GXYLT2: variants seen among roughly 807,000 people sequenced by gnomAD.
GXYLT2 encodes the protein glucoside xylosyltransferase 2.
Under a neutral mutation model 45.8 loss-of-function variants are expected in GXYLT2, and 53 were observed. The observed-to-expected ratio is 1.16, with a 90% CI of 0.93 to 1.46. The LOEUF (loss-of-function observed/expected upper bound fraction) is 1.46. Among genes scored for constraint, GXYLT2 ranks in the 40% most tolerant of loss-of-function variants. The pLI is 0.00. For synonymous variants in GXYLT2, 219 were observed against 214.2 expected, an observed-to-expected ratio of 1.02 and a Z score of -0.19; for missense variants, 551 against 544.4, an observed-to-expected ratio of 1.01 and a Z score of -0.12.
intron 3 of GXYLT2, among the ~76,000 whole-genome samples, chr3:72,925,062 A>T (rs1041052974): frequency 3.3e-5 from 5 of 152,126 alleles, no homozygotes; most frequent in Non-Finnish European, 5.9e-5. Flanking sequence ...TTTCCTACGC[A>T]GAGACCTGTG....
intron 4 of GXYLT2, among the ~76,000 whole-genome samples, chr3:72,955,905 C>G (rs1242322475): frequency 6.6e-6 from 1 of 152,158 alleles, no homozygotes; most frequent in African/African-American, 2.4e-5. Flanking sequence ...TGGCGAAACC[C>G]TGTCTCTATT....
intron 2 of GXYLT2, among the ~76,000 whole-genome samples, chr3:72,909,789 C>T (rs1470916742): frequency 6.6e-6 from 1 of 152,300 alleles, no homozygotes; most frequent in East Asian, 1.9e-4. Context: ...TGTAAGTTCT[C>T]AAATGGTGGC....
rs773513552 is a variant in GXYLT2, at chr3:72,967,595, G to C, written c.1025G>C (p.Cys342Ser). Residue 342 changes from cysteine (C) to serine (S), a missense_variant, in exon 6 of 7, where the codon TGC becomes TCC. Physicochemically the swap from Cys to Ser is moderately radical, Grantham distance 112. Coordinates refer to ENST00000389617, the MANE Select transcript of GXYLT2 (RefSeq NM_001080393.2). Reference protein sequence around the residue: ...PCQWNYRPDHCMYGSNCREAE... With the variant: ...PCQWNYRPDHSMYGSNCREAE... ...CAGTGGAACTACCGTCCCGATCACT[G>C]CATGTACGGAAGCAACTGCAGAGAG... 1.1e-5 allele frequency: 17 copies of C among 1,613,834 alleles called. No individual in the cohort carries two copies. The highest frequency in any genetic ancestry group is 1.4e-5 in the Non-Finnish European group (16 of 1,179,800).
At chr3:72,910,247 C>T (rs1027806085) in intron 2 of GXYLT2, among the ~76,000 whole-genome samples, 6 of 152,180 alleles carry the variant, frequency 3.9e-5, no homozygotes, top group African/African-American at 1.4e-4. Flanking sequence ...CCCAATTTTA[C>T]AGACTGAGAT....
chr3:72,969,835 G>A (rs1444407402), intron 6 of GXYLT2, among the ~76,000 whole-genome samples: 3 of 150,150 alleles, frequency 2.0e-5, no homozygotes, highest in Non-Finnish European at 4.4e-5. Context: ...TCATGAACAG[G>A]CTTTGGTAGA....
intron 2 of GXYLT2, among the ~76,000 whole-genome samples, chr3:72,913,035 G>GT (rs554995110): frequency 0.046 from 6,137 of 134,678 alleles, 351 homozygotes; most frequent in African/African-American, 0.15. Flanking sequence ...TTTTTTTTTT[G>GT]TTTTTTTTTT....
In GXYLT2 at chr3:72,908,365, A is replaced by G. The variant is rs1487981050; in HGVS notation, c.276-2A>G. 2 of 1,578,070 alleles carry G rather than the reference A, an allele frequency of 1.3e-6. No homozygotes were observed. The highest frequency in any genetic ancestry group is 2.2e-5 in the East Asian group (1 of 44,616). The stretch of plus-strand genomic sequence containing the variant: ...GCTTTCACTTGTTTTCCCTCTTTCT[A>G]GGAGGCCTGGAGAACCCAGGAGTTT... On this transcript the variant is annotated splice_acceptor_variant, in intron 1 of 6. Coordinates refer to ENST00000389617, the MANE Select transcript of GXYLT2 (RefSeq NM_001080393.2). LOFTEE classifies it high-confidence loss of function.
Position 72,908,430 on chromosome 3 carries a change from T to C in GXYLT2, c.339T>C (p.Ala113=), listed in dbSNP as rs1709549285. 2 of 1,613,838 alleles carry C rather than the reference T, an allele frequency of 1.2e-6. No homozygotes were observed. The highest frequency in any genetic ancestry group is 1.7e-6 in the Non-Finnish European group (2 of 1,179,884). ...VLPPELWIHL[A]VVACGNRLEE... ...CACCCGAGCTCTGGATCCACCTGGC[T>C]GTGGTGGCCTGTGGCAATCGGCTGG... The change falls in exon 2 of 7, where the codon GCT becomes GCC. Residue 113 remains alanine, a synonymous_variant. Coordinates refer to ENST00000389617, the MANE Select transcript of GXYLT2 (RefSeq NM_001080393.2).
chr3:72,968,024 A>G (rs893051274), intron 6 of GXYLT2, among the ~76,000 whole-genome samples: 8 of 152,076 alleles, frequency 5.3e-5, no homozygotes, highest in Non-Finnish European at 7.4e-5. Context: ...CCCAGGCTGG[A>G]GTGCAGTGGT....
In GXYLT2 at chr3:72,976,342, T is replaced by A. The variant is rs996820801; in HGVS notation, c.*1183T>A. The A allele has an allele frequency of 2.6e-5, 4 of 152,342 alleles. No homozygotes were observed. In the South Asian group the frequency reaches 8.3e-4, roughly 32 times the overall value. 9.4% of individuals were successfully genotyped at this position (152,342 alleles called of 1,614,324 possible). A position where few individuals can be genotyped will look rare whatever the true frequency, so the allele number is the denominator to read the frequency against. Reference sequence around the variant, plus strand: ...GAGAGGAAATTCAGGAATGTTTGTGTTTACCACAGACAAAAACATTTGATC... The same window carrying A: ...GAGAGGAAATTCAGGAATGTTTGTGATTACCACAGACAAAAACATTTGATC... On this transcript the variant is annotated 3_prime_UTR_variant, in exon 7 of 7. Transcript: ENST00000389617.
intron 6 of GXYLT2, among the ~76,000 whole-genome samples, chr3:72,973,848 C>A (rs1295706347): frequency 6.6e-6 from 1 of 152,120 alleles, no homozygotes; most frequent in Non-Finnish European, 1.5e-5. Context: ...ATTTAAATTT[C>A]ATGATTAAAG....
At chr3:72,901,686 G>T (rs1447958619) in intron 1 of GXYLT2, among the ~76,000 whole-genome samples, 1 of 146,910 alleles carries the variant, frequency 6.8e-6, no homozygotes, top group African/African-American at 2.5e-5. Flanking sequence ...TCAGCCACAC[G>T]AGTAGCTGGG....
At chr3:72,916,864 G>A (rs1347760469) in intron 2 of GXYLT2, among the ~76,000 whole-genome samples, 1 of 151,656 alleles carries the variant, frequency 6.6e-6, no homozygotes, top group Non-Finnish European at 1.5e-5. Context: ...GTGTGTTATT[G>A]TAAACCAGCC....
chr3:72,914,772 A>G (rs2107090034), intron 2 of GXYLT2, among the ~76,000 whole-genome samples: 1 of 152,234 alleles, frequency 6.6e-6, no homozygotes, highest in Non-Finnish European at 1.5e-5. Flanking sequence ...TACCGACGCC[A>G]TAGAGCCTGG....
chr3:72,967,907 C>T (rs1710898280), intron 6 of GXYLT2, among the ~76,000 whole-genome samples, 188 bp downstream of exon 6: 1 of 152,188 alleles, frequency 6.6e-6, no homozygotes, highest in Non-Finnish European at 1.5e-5. Flanking sequence ...ATCTACTTGA[C>T]TTATTTCCAC....
intron 2 of GXYLT2, among the ~76,000 whole-genome samples, chr3:72,913,142 A>C (rs1328548960): frequency 1.3e-5 from 2 of 149,032 alleles, no homozygotes; most frequent in Non-Finnish European, 3.0e-5. Flanking sequence ...GGTTCACGCC[A>C]TTCTCCTGCC....
intron 1 of GXYLT2, among the ~76,000 whole-genome samples, chr3:72,890,369 G>A (rs1457134508): frequency 7.2e-5 from 11 of 152,216 alleles, no homozygotes; most frequent in Non-Finnish European, 1.3e-4. Flanking sequence ...GTTTTAACAC[G>A]TCCCTCCCAT....
intron 6 of GXYLT2, 108 bp from the exon 7 acceptor site, chr3:72,974,869 T>A: frequency 1.2e-6 from 1 of 816,812 alleles, no homozygotes; most frequent in African/African-American, 1.7e-5. Context: ...TGTCCAAACC[T>A]GTGCCTGTGG....
chr3:72,895,854 G>T (rs1709280782), intron 1 of GXYLT2, among the ~76,000 whole-genome samples: 1 of 152,196 alleles, frequency 6.6e-6, no homozygotes, highest in Non-Finnish European at 1.5e-5. Flanking sequence ...GTGACTTTTA[G>T]ATGATCCCCC....
Sources: allele counts gnomAD v4.1 joint callset (sites outside exome capture counted in the v4.1 genomes callset), GRCh38; gene constraint gnomAD v4.1.1; transcripts MANE v1.5; gene names NCBI Gene and HGNC (gene_info 2026-07-23, HGNC 2026-07-21).